LMNA: variants seen among roughly 807,000 people sequenced by gnomAD.
LMNA encodes the protein lamin A/C.
LMNA carries 20 observed loss-of-function variants against 70.4 expected under a neutral mutation model. That is an observed-to-expected ratio of 0.28 (90% confidence interval 0.20 to 0.41). The LOEUF (loss-of-function observed/expected upper bound fraction) is 0.41, where lower values mean the gene tolerates loss of function less well. Ranked by LOEUF, LMNA falls within the 10% of genes least tolerant of loss-of-function variation. LMNA has a pLI of 1.00. For synonymous variants in LMNA, 339 were observed against 372.8 expected, an observed-to-expected ratio of 0.91 and a Z score of 1.04; for missense variants, 652 against 917.2, an observed-to-expected ratio of 0.71 and a Z score of 3.73.
At chr1:156,105,896 A>G (rs1159678449) in intron 3 of LMNA, among the ~76,000 whole-genome samples, 3 of 152,128 alleles carry the variant, frequency 2.0e-5, no homozygotes, top group Admixed American at 6.6e-5. Context: ...AGGCAGGCGG[A>G]TCACGAGGCC....
chr1:156,116,669 A>T (rs936142747), intron 1 of LMNA, among the ~76,000 whole-genome samples: 2 of 152,134 alleles, frequency 1.3e-5, no homozygotes, highest in Non-Finnish European at 2.9e-5. Context: ...GGTTCAAGTG[A>T]TTCTCCTGCC....
At position 156,138,305 on chromosome 1, in the gene LMNA, T is replaced by C. The variant is rs1299682227; in HGVS notation, c.1699-183T>C. 2 of 627,348 alleles carry C rather than the reference T, an allele frequency of 3.2e-6. No individual in the cohort carries two copies. The highest frequency in any genetic ancestry group is 5.6e-6 in the Non-Finnish European group (2 of 359,954). 38.9% of individuals were successfully genotyped at this position (627,348 alleles called of 1,614,324 possible). ...TCTTCCTGAGCCTTCTCCCCTTTTA[T>C]GTCTTCCCTCTCCTCCTCCGGGCCC... On this transcript the variant is annotated intron_variant, in intron 10 of 11. Transcript: ENST00000368300. The surrounding 1 kb of genome is among the most constrained non-coding windows in gnomAD (Gnocchi z 5.5).
At chr1:156,118,510 C>T (rs186969722) in intron 1 of LMNA, among the ~76,000 whole-genome samples, 5 of 152,138 alleles carry the variant, frequency 3.3e-5, no homozygotes, top group East Asian at 1.9e-4. Flanking sequence ...GCTGGGCTTC[C>T]GGAAAAGAGA....
intron 3 of LMNA, among the ~76,000 whole-genome samples, chr1:156,105,265 A>C (rs1322149767): frequency 6.6e-6 from 1 of 152,194 alleles, no homozygotes; most frequent in South Asian, 2.1e-4. Flanking sequence ...ATGTGGATCT[A>C]GAAGGGAGGT....
chr1:156,111,804 T>C (rs1178690596), upstream of LMNA, among the ~76,000 whole-genome samples: 1 of 152,186 alleles, frequency 6.6e-6, no homozygotes, highest in African/African-American at 2.4e-5. Flanking sequence ...CTAGCATCAC[T>C]CAGCAGTTAA....
In LMNA at chr1:156,103,400, G is replaced by C. The variant is rs2102801343; in HGVS notation, c.-206-11313G>C. 6.6e-6 allele frequency among the ~76,000 whole-genome samples: 1 copy of C among 152,226 alleles called. No homozygotes were observed. Among genetic ancestry groups the C allele is most frequent in the African/African-American group, 2.4e-5 (1 of 41,516 alleles). On this transcript the variant is annotated intron_variant, in intron 3 of 12. Coordinates refer to the LMNA transcript ENST00000368301. The surrounding 1 kb of genome is among the most constrained non-coding windows in gnomAD (Gnocchi z 4.7). ...CCCAGTATGCCCCTCTTGTGTGCTG[G>C]GCCCTCGCACTTCCTCTGTCTGGGA...
At chr1:156,109,633 G>A (rs1258664339), upstream of LMNA, 1 of 152,206 alleles carries the variant, frequency 6.6e-6, no homozygotes, top group Non-Finnish European at 1.5e-5. Flanking sequence ...CCTAGTTTTA[G>A]GAAAGTCAGC....
At position 156,134,360 on chromosome 1, in the gene LMNA, G is replaced by A. The variant is rs749054978; in HGVS notation, c.514-43G>A. 6.8e-6 allele frequency: 11 copies of A among 1,611,424 alleles called. No homozygotes were observed. The highest frequency in any genetic ancestry group is 5.0e-5 in the Admixed American group (3 of 59,734). ...CTCTCAGCTTCCTTCCAGTTCTTGTGTTCTGTGACCCCTTTTCCTCATCTC... is the reference window on the plus strand; with the variant it reads ...CTCTCAGCTTCCTTCCAGTTCTTGTATTCTGTGACCCCTTTTCCTCATCTC... On this transcript the variant is annotated intron_variant, in intron 2 of 11. Coordinates refer to ENST00000368300, the MANE Select transcript of LMNA (RefSeq NM_170707.4). The surrounding 1 kb of genome is among the most constrained non-coding windows in gnomAD (Gnocchi z 5.3).
intron 1 of LMNA, among the ~76,000 whole-genome samples, chr1:156,129,356 G>A (rs552145791): frequency 2.3e-4 from 35 of 152,246 alleles, no homozygotes; most frequent in South Asian, 2.3e-3. Flanking sequence ...CCTGGGTCTC[G>A]TCCTCCAGAG....
At chr1:156,123,612 C>T (rs963802708) in intron 1 of LMNA, among the ~76,000 whole-genome samples, 11 of 152,202 alleles carry the variant, frequency 7.2e-5, no homozygotes, top group Non-Finnish European at 1.5e-4. Flanking sequence ...ATCCCTCCCT[C>T]CTCCAGGCAC....
chr1:156,121,053 T>A (rs1650153032), intron 1 of LMNA, among the ~76,000 whole-genome samples: 2 of 143,808 alleles, frequency 1.4e-5, no homozygotes, highest in South Asian at 4.7e-4. Flanking sequence ...ATTCTTTTTT[T>A]TTTTTTTTTT....
intron 1 of LMNA, among the ~76,000 whole-genome samples, chr1:156,121,818 TAGG>T (rs1650208504): frequency 6.6e-6 from 1 of 152,058 alleles, no homozygotes; most frequent in Non-Finnish European, 1.5e-5. Context: ...TCTAATATTA[TAGG>T]AGATCTCTGG....
intron 3 of LMNA, among the ~76,000 whole-genome samples, chr1:156,090,748 C>T (rs556208926): frequency 1.7e-4 from 26 of 152,194 alleles, no homozygotes; most frequent in African/African-American, 3.6e-4. Flanking sequence ...ATTTGAAAGG[C>T]GAGAATTGGA....
At chr1:156,130,435 T>C (rs1406593590) in intron 1 of LMNA, among the ~76,000 whole-genome samples, 182 bp from the exon 2 acceptor site, 1 of 149,576 alleles carries the variant, frequency 6.7e-6, no homozygotes, top group Non-Finnish European at 1.5e-5. Flanking sequence ...TCAAGGACCT[T>C]GGGGAGGTGG....
chr1:156,115,179 T>G lies in LMNA; in HGVS notation c.261T>G (p.Asp87Glu), dbSNP rs397517900. 4 of 1,612,804 alleles carry G rather than the reference T, an allele frequency of 2.5e-6. No individual in the cohort carries two copies. The highest frequency in any genetic ancestry group is 3.4e-6 in the Non-Finnish European group (4 of 1,179,654). The part of the protein sequence containing the change: ...IKAAYEAELG[D>E]ARKTLDSVAK... ...CCGCCTACGAGGCCGAGCTCGGGGA[T>G]GCCCGCAAGACCCTTGACTCAGTAG... The change falls in exon 1 of 12, where the codon GAT (aspartate) becomes GAG (glutamate). Residue 87 changes from aspartate to glutamate, a missense_variant. Transcript: ENST00000368300. This position sits in a 1 kb window ranked among gnomAD's most constrained non-coding sequence, Gnocchi z 5.8.
In LMNA at chr1:156,114,926, C is replaced by G. The variant is rs1235021953; in HGVS notation, c.8C>G (p.Thr3Ser). ...GCTGCCAACCTGCCGGCCATGGAGA[C>G]CCCGTCCCAGCGGCGCGCCACCCGC... is the stretch of plus-strand genomic sequence containing the variant. ME[T>S]PSQRRATRSG... Residue 3 changes from threonine (T) to serine (S), a missense_variant, in exon 1 of 12, where the codon ACC becomes AGC. Physicochemically the swap from Thr to Ser is moderately conservative, Grantham distance 58. Coordinates refer to ENST00000368300, the MANE Select transcript of LMNA (RefSeq NM_170707.4). The G allele has an allele frequency of 1.3e-6, 2 of 1,555,598 alleles. No homozygotes were observed. Among genetic ancestry groups the G allele is most frequent in the African/African-American group, 1.4e-5 (1 of 73,338 alleles).
chr1:156,124,731 G>GT (rs1572344221), intron 1 of LMNA, among the ~76,000 whole-genome samples: 1 of 152,102 alleles, frequency 6.6e-6, no homozygotes, highest in African/African-American at 2.4e-5. Context: ...ACTTTGCCGG[G>GT]TTGGGGGGGA....
rs542264987 is a variant in LMNA at position 156,103,248 on chromosome 1, C to T, written c.-206-11465C>T. Among the ~76,000 whole-genome samples, 6 of 152,284 alleles carry T rather than the reference C, an allele frequency of 3.9e-5. 1 individual carries two copies. The highest frequency in any genetic ancestry group is 1.9e-4 in the East Asian group (1 of 5,188). On this transcript the variant is annotated intron_variant, in intron 3 of 12. Transcript: ENST00000368301. This position sits in a 1 kb window ranked among gnomAD's most constrained non-coding sequence, Gnocchi z 4.7. ...TTGTGTCCTGCCTACCAGTCCTTCC[C>T]GCCCATCTCTGCATCCCAGTTTCCA...
chr1:156,109,183 T>C (rs1649449189), intron 3 of LMNA, among the ~76,000 whole-genome samples: 1 of 152,256 alleles, frequency 6.6e-6, no homozygotes. Context: ...AAATATTCCC[T>C]ACACGAATGG....
Sources: allele counts gnomAD v4.1 joint callset (sites outside exome capture counted in the v4.1 genomes callset), GRCh38; gene constraint gnomAD v4.1.1; non-coding constraint Gnocchi (gnomAD v3.1); transcripts MANE v1.5; gene names NCBI Gene and HGNC (gene_info 2026-07-23, HGNC 2026-07-21).